Variants in TBXAS1 observed in about 807,000 individuals in gnomAD.
TBXAS1 encodes thromboxane-A synthase.
Under a neutral mutation model 60.7 loss-of-function variants are expected in TBXAS1, and 48 were observed. The ratio of observed to expected loss-of-function variants is 0.79; its 90% CI spans 0.63 to 1.01. The LOEUF is 1.01. Among genes scored for constraint, TBXAS1 ranks in the 50% least tolerant of loss-of-function variants. TBXAS1 has a pLI of 0.00. For synonymous variants in TBXAS1, 287 were observed against 269.7 expected (o/e 1.06, Z -0.63); for missense variants, 685 against 686.3 (o/e 1.00, Z 0.02).
At chr7:139,948,576 T>C (rs994981630) in intron 5 of TBXAS1, among the ~76,000 whole-genome samples, 2 of 152,194 alleles carry the variant, frequency 1.3e-5, no homozygotes, top group African/African-American at 2.4e-5. Flanking sequence ...ACATGTGCAT[T>C]GTGAAAAATT....
At chr7:139,950,221 G>A (rs1395078433) in intron 5 of TBXAS1, among the ~76,000 whole-genome samples, 1 of 151,820 alleles carries the variant, frequency 6.6e-6, no homozygotes, top group Non-Finnish European at 1.5e-5. Context: ...TTAGTAGAGA[G>A]GGGGTTCACT....
At chr7:139,946,202 T>G (rs114138959) in intron 5 of TBXAS1, among the ~76,000 whole-genome samples, 137 of 152,246 alleles carry the variant, frequency 9.0e-4, no homozygotes, top group African/African-American at 2.9e-3. Flanking sequence ...GCTGTGGTTG[T>G]GTGTGTCTGT....
chr7:139,787,152 AAAAC>A (rs956444847), intron 3 of TBXAS1, among the ~76,000 whole-genome samples: 2 of 152,228 alleles, frequency 1.3e-5, no homozygotes, highest in Admixed American at 6.5e-5. Flanking sequence ...AGTTAAGAAA[AAAAC>A]AAATAATCTT....
intron 3 of TBXAS1, among the ~76,000 whole-genome samples, chr7:139,891,909 G>A (rs1803650540): frequency 6.6e-6 from 1 of 152,188 alleles, no homozygotes; most frequent in South Asian, 2.1e-4. Context: ...TTAAAATAGA[G>A]GGTTGGATAA....
intron 3 of TBXAS1, among the ~76,000 whole-genome samples, chr7:139,784,590 A>G (rs578021770): frequency 2.9e-4 from 44 of 152,366 alleles, no homozygotes; most frequent in Non-Finnish European, 5.1e-4. Flanking sequence ...ATAGAAAGAT[A>G]TGAATGTCTA....
At chr7:139,879,989 C>A (rs1339092174) in intron 3 of TBXAS1, among the ~76,000 whole-genome samples, 5 of 152,150 alleles carry the variant, frequency 3.3e-5, no homozygotes, top group Non-Finnish European at 7.3e-5. Context: ...TCAAGTGATT[C>A]TCTGGTGCCT....
At chr7:139,889,517 C>T (rs540882886) in intron 3 of TBXAS1, among the ~76,000 whole-genome samples, 10 of 152,294 alleles carry the variant, frequency 6.6e-5, no homozygotes, top group African/African-American at 2.4e-4. Context: ...AGCTTGTCCT[C>T]ATCCTCATGT....
chr7:140,005,630 G>A (rs938224107), intron 9 of TBXAS1, among the ~76,000 whole-genome samples: 1 of 152,154 alleles, frequency 6.6e-6, no homozygotes, highest in Non-Finnish European at 1.5e-5. Context: ...AGACGGGAGA[G>A]CTTTGGGAAA....
chr7:140,011,643 A>G (rs985323828), intron 10 of TBXAS1, among the ~76,000 whole-genome samples: 1 of 152,076 alleles, frequency 6.6e-6, no homozygotes, highest in East Asian at 1.9e-4. Context: ...CAAATTAACA[A>G]AGAAAGTAGA....
chr7:139,999,187 GTCAGAGC>G lies in TBXAS1; in HGVS notation c.1135-7897_1135-7891del, dbSNP rs1389974404. Among the ~76,000 whole-genome samples the G allele has an allele frequency of 1.3e-5, 2 of 152,176 alleles. No individual in the cohort carries two copies. Among genetic ancestry groups the G allele is most frequent in the East Asian group, 3.8e-4 (2 of 5,198 alleles). ...AGCTATGGGATCTAGAAGGTGAAAT[GTCAGAGC>G]TCAGAGAACCTCAGCTCCCTCCCAA... is the stretch of plus-strand genomic sequence containing the variant. On this transcript the variant is annotated intron_variant, in intron 9 of 12. Coordinates refer to ENST00000448866, the MANE Select transcript of TBXAS1 (RefSeq NM_001061.7). The surrounding 1 kb of genome is among the most constrained non-coding windows in gnomAD (Gnocchi z 4.3).
At chr7:139,967,607 C>T (rs969579041) in intron 9 of TBXAS1, among the ~76,000 whole-genome samples, 2 of 152,306 alleles carry the variant, frequency 1.3e-5, no homozygotes, top group South Asian at 2.1e-4. Flanking sequence ...AATCTTTGGA[C>T]CCCAGAGGAA....
At chr7:139,934,734 GTCTGTGTCCCAA>G (rs1320006698) in intron 4 of TBXAS1, among the ~76,000 whole-genome samples, 3 of 152,142 alleles carry the variant, frequency 2.0e-5, no homozygotes, top group Non-Finnish European at 4.4e-5. Flanking sequence ...CTTTGTGTGT[GTCTGTGTCCCAA>G]TCTCCTCTTC....
chr7:139,942,813 T>TC, intron 5 of TBXAS1, among the ~76,000 whole-genome samples: 1 of 152,204 alleles, frequency 6.6e-6, no homozygotes, highest in South Asian at 2.1e-4. Flanking sequence ...ATCCAGATGT[T>TC]CCCCGTCAAG....
chr7:139,933,837 AACC>A (rs745845214), intron 4 of TBXAS1, among the ~76,000 whole-genome samples: 7,072 of 152,140 alleles, frequency 0.046, 312 homozygotes, highest in African/African-American at 0.11. Flanking sequence ...TTGGTCCCCC[AACC>A]GCCTGTCTCC....
At chr7:139,794,370 T>C (rs1339492225) in intron 4 of TBXAS1, among the ~76,000 whole-genome samples, 1 of 152,058 alleles carries the variant, frequency 6.6e-6, no homozygotes, top group Non-Finnish European at 1.5e-5. Flanking sequence ...AAAGTGCTGG[T>C]ATTACAGGCA....
chr7:139,954,058 T>A (rs748466521), intron 6 of TBXAS1, among the ~76,000 whole-genome samples: 1 of 152,114 alleles, frequency 6.6e-6, no homozygotes, highest in Non-Finnish European at 1.5e-5. Flanking sequence ...TTACTGTATT[T>A]TATGTGTGGC....
intron 9 of TBXAS1, among the ~76,000 whole-genome samples, chr7:139,984,167 G>T (rs117419195): frequency 2.6e-5 from 4 of 152,188 alleles, no homozygotes; most frequent in African/African-American, 9.7e-5. Flanking sequence ...CCTAAGCCTC[G>T]CTTCTTCACT....
chr7:139,894,310 G>A (rs1803904929), intron 3 of TBXAS1, among the ~76,000 whole-genome samples: 1 of 152,146 alleles, frequency 6.6e-6, no homozygotes, highest in African/African-American at 2.4e-5. Context: ...TGCAGAAGAT[G>A]GTGTGGGAGA....
At chr7:139,901,317 A>G (rs1233353126) in intron 3 of TBXAS1, among the ~76,000 whole-genome samples, 1 of 139,642 alleles carries the variant, frequency 7.2e-6, no homozygotes, top group Non-Finnish European at 1.5e-5. Flanking sequence ...AGCATTAGCA[A>G]TATTACTACA....
Sources: allele counts gnomAD v4.1 joint callset (sites outside exome capture counted in the v4.1 genomes callset), GRCh38; gene constraint gnomAD v4.1.1; non-coding constraint Gnocchi (gnomAD v3.1); transcripts MANE v1.5; gene names NCBI Gene and HGNC (gene_info 2026-07-23, HGNC 2026-07-21).